The following CAMK1D variants were observed in gnomAD, a reference collection of about 807,000 sequenced individuals.
The protein encoded by CAMK1D is calcium/calmodulin-dependent protein kinase type 1D.
CAMK1D carries 9 observed loss-of-function variants against 47.7 expected under a neutral mutation model. The ratio of observed to expected loss-of-function variants is 0.19; its 90% confidence interval spans 0.11 to 0.33. The LOEUF (loss-of-function observed/expected upper bound fraction) is 0.33, where lower values mean the gene tolerates loss of function less well. Among genes scored for constraint, CAMK1D ranks in the 10% least tolerant of loss-of-function variants. The pLI is 1.00. For synonymous variants in CAMK1D, 184 were observed against 184.9 expected (o/e 0.99, Z 0.04); for missense variants, 291 against 488.7 (o/e 0.60, Z 3.81).
At chr10:12,480,421 C>T (rs1321119808) in intron 1 of CAMK1D, among the ~76,000 whole-genome samples, 2 of 150,950 alleles carry the variant, frequency 1.3e-5, no homozygotes, top group African/African-American at 4.9e-5. Flanking sequence ...AGCGACAGAG[C>T]AAGACTCCAT....
intron 1 of CAMK1D, among the ~76,000 whole-genome samples, chr10:12,396,060 G>T (rs1167658896): frequency 6.6e-6 from 1 of 152,072 alleles, no homozygotes; most frequent in Non-Finnish European, 1.5e-5. Context: ...TTTTAGTAGA[G>T]ACAGGGTTTC....
intron 8 of CAMK1D, among the ~76,000 whole-genome samples, chr10:12,823,605 A>G (rs1269753908): frequency 6.6e-6 from 1 of 151,932 alleles, no homozygotes; most frequent in African/African-American, 2.4e-5. Context: ...AGAGGGAGGA[A>G]AGAGTGGGAT....
chr10:12,704,420 T>C (rs1833651487), intron 3 of CAMK1D, among the ~76,000 whole-genome samples: 2 of 152,196 alleles, frequency 1.3e-5, no homozygotes, highest in South Asian at 2.1e-4. Flanking sequence ...AATGTGGGCA[T>C]GTTGAGACAT....
chr10:12,667,955 C>A (rs906093360), intron 3 of CAMK1D, among the ~76,000 whole-genome samples: 35 of 152,166 alleles, frequency 2.3e-4, no homozygotes, highest in African/African-American at 7.7e-4. Flanking sequence ...TGTATGATTT[C>A]TCTCTGTCAA....
intron 1 of CAMK1D, among the ~76,000 whole-genome samples, chr10:12,546,386 T>G (rs1168977227): frequency 6.6e-6 from 1 of 152,072 alleles, no homozygotes; most frequent in Non-Finnish European, 1.5e-5. Flanking sequence ...AGCAGTAAAG[T>G]AGACAGGTTT....
In CAMK1D at chr10:12,678,091, A is replaced by C. The variant is rs1840872799; in HGVS notation, c.299+11281A>C. On this transcript the variant is annotated intron_variant, in intron 3 of 10. Transcript: ENST00000619168. ...CTAGGTTCAACTGTATGAAGTTGCC[A>C]GTACATAATCATGTTTTTCAAGGTC... Among the ~76,000 whole-genome samples the C allele has an allele frequency of 2.0e-5, 3 of 152,020 alleles. No individual in the cohort carries two copies. The South Asian group carries it at 6.2e-4, about 32-fold the overall frequency.
intron 6 of CAMK1D, among the ~76,000 whole-genome samples, chr10:12,797,795 C>T (rs1362700149): frequency 6.6e-6 from 1 of 152,102 alleles, no homozygotes; most frequent in Non-Finnish European, 1.5e-5. Context: ...GCTTTAGTTG[C>T]AGGCAGAATT....
chr10:12,727,491 T>G (rs1834697548), intron 3 of CAMK1D, among the ~76,000 whole-genome samples: 1 of 152,182 alleles, frequency 6.6e-6, no homozygotes, highest in African/African-American at 2.4e-5. Context: ...GGCCACGATG[T>G]TTTATGGAAC....
At chr10:12,591,346 CCAAA>C (rs1837989147) in intron 2 of CAMK1D, among the ~76,000 whole-genome samples, 1 of 152,146 alleles carries the variant, frequency 6.6e-6, no homozygotes, top group African/African-American at 2.4e-5. Context: ...CAACTTCGGA[CCAAA>C]CAGAGAAGGC....
intron 6 of CAMK1D, among the ~76,000 whole-genome samples, chr10:12,797,191 A>G (rs1314389962): frequency 7.4e-6 from 1 of 135,934 alleles, no homozygotes; most frequent in Non-Finnish European, 1.5e-5. Flanking sequence ...ACAGCTGACC[A>G]GTTCCTTTTT....
chr10:12,630,155 C>G (rs1588709847), intron 2 of CAMK1D, among the ~76,000 whole-genome samples: 1 of 152,138 alleles, frequency 6.6e-6, no homozygotes, highest in South Asian at 2.1e-4. Flanking sequence ...CATCTCTTCA[C>G]CCTGATATTC....
At chr10:12,691,421 A>ATTTTTT (rs869207786) in intron 3 of CAMK1D, among the ~76,000 whole-genome samples, 8 of 4,276 alleles carry the variant, frequency 1.9e-3, no homozygotes, top group Admixed American at 7.8e-3. Context: ...ATATATATAT[A>ATTTTTT]TTTTTTTTTT....
intron 2 of CAMK1D, among the ~76,000 whole-genome samples, chr10:12,570,067 G>A (rs1232998202): frequency 6.6e-6 from 1 of 152,096 alleles, no homozygotes; most frequent in African/African-American, 2.4e-5. Context: ...GGATGTGGTA[G>A]CATGTACCTG....
At chr10:12,409,824 A>G (rs1379094624) in intron 1 of CAMK1D, among the ~76,000 whole-genome samples, 1 of 152,222 alleles carries the variant, frequency 6.6e-6, no homozygotes, top group Admixed American at 6.5e-5. Flanking sequence ...TCATCATCCC[A>G]AACAGAAACT....
At chr10:12,670,126 C>CTTTTTTTT (rs58173311) in intron 3 of CAMK1D, among the ~76,000 whole-genome samples, 2 of 88,212 alleles carry the variant, frequency 2.3e-5, no homozygotes, top group African/African-American at 4.1e-5. Flanking sequence ...TACCGTTTTG[C>CTTTTTTTT]TTTTTTTTTT....
At chr10:12,377,051 G>T (rs973673726) in intron 1 of CAMK1D, among the ~76,000 whole-genome samples, 1 of 152,004 alleles carries the variant, frequency 6.6e-6, no homozygotes, top group African/African-American at 2.4e-5. Context: ...GTGAGCCACC[G>T]CACCCGGCCT....
chr10:12,745,931 A>AT (rs1478583703), intron 3 of CAMK1D, among the ~76,000 whole-genome samples: 1 of 152,160 alleles, frequency 6.6e-6, no homozygotes, highest in Non-Finnish European at 1.5e-5. Context: ...TTCTTCCAGA[A>AT]TACCACAACT....
chr10:12,553,509 T>A (rs1418612904), intron 2 of CAMK1D, among the ~76,000 whole-genome samples, 153 bp downstream of exon 2: 1 of 152,202 alleles, frequency 6.6e-6, no homozygotes, highest in African/African-American at 2.4e-5. Flanking sequence ...AAAGCACTTT[T>A]CCCATAGACC....
At chr10:12,395,973 A>C (rs1838935269) in intron 1 of CAMK1D, among the ~76,000 whole-genome samples, 1 of 151,500 alleles carries the variant, frequency 6.6e-6, no homozygotes, top group African/African-American at 2.4e-5. Context: ...TCCTGGGTTC[A>C]AGCGATTCTC....
Sources: allele counts gnomAD v4.1 joint callset (sites outside exome capture counted in the v4.1 genomes callset), GRCh38; gene constraint gnomAD v4.1.1; transcripts MANE v1.5; gene names NCBI Gene and HGNC (gene_info 2026-07-23, HGNC 2026-07-21).